TMEM156: variants seen among roughly 807,000 people sequenced by gnomAD.
TMEM156 encodes transmembrane protein 156.
TMEM156 carries 28 observed loss-of-function variants against 30.5 expected under a neutral mutation model. The ratio of observed to expected loss-of-function variants is 0.92; its 90% CI spans 0.68 to 1.26. The LOEUF is 1.26. Among genes scored for constraint, TMEM156 ranks in the 50% most tolerant of loss-of-function variants. The pLI, the probability that TMEM156 is intolerant of heterozygous loss-of-function variation, is 0.00. For synonymous variants in TMEM156, 137 were observed against 119.9 expected (o/e 1.14, Z -0.93); for missense variants, 351 against 340.6 (o/e 1.03, Z -0.24).
chr4:39,011,069 A>G (rs912392879), intron 1 of TMEM156, among the ~76,000 whole-genome samples: 1 of 152,186 alleles, frequency 6.6e-6, no homozygotes, highest in Non-Finnish European at 1.5e-5. Flanking sequence ...ACCAACAAGA[A>G]AAAAACCAAC....
chr4:39,032,235 T>C lies in TMEM156; in HGVS notation c.79A>G (p.Thr27Ala), dbSNP rs1187598743. ...ACAATTATATACTCACCTTTCGGTGTCTTGAAATATTCCGGCAAAATTAAA... is the reference window on the plus strand; with the variant it reads ...ACAATTATATACTCACCTTTCGGTGCCTTGAAATATTCCGGCAAAATTAAA... ...FILILPEYFK[T>A]PKERTLELSC... Residue 27 changes from threonine (T) to alanine (A), a missense_variant, in exon 1 of 7, where the codon ACA becomes GCA. By Grantham distance (58) the Thr-to-Ala change is moderately conservative. Transcript: ENST00000381938. 3.1e-6 allele frequency: 5 copies of C among 1,596,780 alleles called. No individual in the cohort carries two copies. The African/African-American group carries it at 6.7e-5, about 21-fold the overall frequency.
At chr4:39,015,659 T>C (rs1350391136) in intron 1 of TMEM156, among the ~76,000 whole-genome samples, 1 of 152,196 alleles carries the variant, frequency 6.6e-6, no homozygotes, top group Admixed American at 6.5e-5. Flanking sequence ...TTATGATCAT[T>C]TGTTACAGCA....
At chr4:39,028,305 A>C (rs1715330003) in intron 1 of TMEM156, 1 of 152,154 alleles carries the variant, frequency 6.6e-6, no homozygotes, top group Non-Finnish European at 1.5e-5. Context: ...TATTTTATTT[A>C]ATAATCGTCA....
chr4:39,031,027 A>G (rs1715476023), intron 1 of TMEM156, among the ~76,000 whole-genome samples: 1 of 152,238 alleles, frequency 6.6e-6, no homozygotes, highest in African/African-American at 2.4e-5. Context: ...TCACTGAAAT[A>G]TGTCATCAAA....
intron 3 of TMEM156, among the ~76,000 whole-genome samples, chr4:38,990,830 G>T (rs1312004813): frequency 3.7e-5 from 3 of 81,226 alleles, no homozygotes; most frequent in Admixed American, 2.9e-4. Flanking sequence ...TTGTTTTCTG[G>T]TTTTTTTTTT....
At chr4:38,986,468 G>T in intron 4 of TMEM156, 49 bp from the exon 5 acceptor site, 1 of 1,345,676 alleles carries the variant, frequency 7.4e-7, no homozygotes, top group Admixed American at 1.7e-5. Flanking sequence ...CAAGCGCATT[G>T]TTAACATATA....
At chr4:39,005,916 A>G (rs1012234152) in intron 1 of TMEM156, among the ~76,000 whole-genome samples, 1 of 152,102 alleles carries the variant, frequency 6.6e-6, no homozygotes. Flanking sequence ...TTCTTTTTTG[A>G]GTCAGACTCT....
In TMEM156 at chr4:39,002,152, T is replaced by C. The variant is rs965017665; in HGVS notation, c.89-3243A>G. 2.1e-5 allele frequency among the ~76,000 whole-genome samples: 3 copies of C among 141,244 alleles called. No individual in the cohort carries two copies. The Admixed American group carries it at 2.2e-4, about 10-fold the overall frequency. 92.7% of individuals were successfully genotyped at this position (141,244 alleles called of 152,430 possible). ...CTACTCATCTGACAAAGGGCTAATA[T>C]CCAGAATCTACAATGAACTCAAACA... is the stretch of plus-strand genomic sequence containing the variant. On this transcript the variant is annotated intron_variant, in intron 1 of 6. Transcript: ENST00000381938.
intron 1 of TMEM156, among the ~76,000 whole-genome samples, chr4:39,002,300 C>T (rs896833426): frequency 6.6e-6 from 1 of 152,136 alleles, no homozygotes; most frequent in Non-Finnish European, 1.5e-5. Flanking sequence ...CCATCAATGG[C>T]CATCAGAGAA....
chr4:38,987,703 G>A (rs1419241183), intron 4 of TMEM156, among the ~76,000 whole-genome samples: 1 of 152,132 alleles, frequency 6.6e-6, no homozygotes, highest in Admixed American at 6.6e-5. Flanking sequence ...AGTAATCTCT[G>A]TATTTCCTTA....
rs561540807 is a variant in TMEM156 at position 39,025,657 on chromosome 4, G to T, written c.88+6569C>A. Among the ~76,000 whole-genome samples, 49 of 152,286 alleles carry T rather than the reference G, an allele frequency of 3.2e-4. No individual in the cohort carries two copies. In the South Asian group the frequency reaches 1.0e-2, roughly 31 times the overall value. On this transcript the variant is annotated intron_variant, in intron 1 of 6. Coordinates refer to ENST00000381938, the MANE Select transcript of TMEM156 (RefSeq NM_024943.3). ...TACCATAGCAATATTTGAAAGGCAG[G>T]TTTGAGACATAGGAGACTGCTCATT...
chr4:38,980,070 A>G (rs1358717521), intron 5 of TMEM156, among the ~76,000 whole-genome samples: 1 of 152,086 alleles, frequency 6.6e-6, no homozygotes, highest in East Asian at 1.9e-4. Flanking sequence ...CCCATGTTCA[A>G]AGCTCCATCT....
chr4:39,016,348 G>A (rs145022954), intron 1 of TMEM156, among the ~76,000 whole-genome samples: 2 of 150,782 alleles, frequency 1.3e-5, no homozygotes, highest in African/African-American at 4.9e-5. Context: ...ACTCCAGGCT[G>A]GGCAACACAG....
At chr4:39,012,029 G>A (rs144835819) in intron 1 of TMEM156, among the ~76,000 whole-genome samples, 1,894 of 152,202 alleles carry the variant, frequency 0.012, 18 homozygotes, top group Non-Finnish European at 0.02. Flanking sequence ...GGGAAGGGAG[G>A]GAAGGAAGCA....
intron 1 of TMEM156, 25 bp from the exon 2 acceptor site, chr4:38,998,934 T>G (rs965656382): frequency 5.1e-6 from 8 of 1,580,638 alleles, no homozygotes; most frequent in Admixed American, 3.8e-5. Context: ...GAAAAACACT[T>G]TCTTTACTGT....
intron 1 of TMEM156, among the ~76,000 whole-genome samples, chr4:39,012,294 T>C (rs1410993195): frequency 6.6e-6 from 1 of 152,200 alleles, no homozygotes; most frequent in Non-Finnish European, 1.5e-5. Flanking sequence ...ATTTGCAAAT[T>C]ACTATATTCT....
chr4:38,992,099 A>G (rs566883571), intron 3 of TMEM156, among the ~76,000 whole-genome samples: 1 of 152,352 alleles, frequency 6.6e-6, no homozygotes, highest in South Asian at 2.1e-4. Flanking sequence ...TTTAAAGTGA[A>G]TGTAATATTT....
chr4:38,982,101 A>G (rs1286585784), intron 5 of TMEM156, among the ~76,000 whole-genome samples: 1 of 152,230 alleles, frequency 6.6e-6, no homozygotes, highest in Non-Finnish European at 1.5e-5. Context: ...CCATCTAATC[A>G]GCAGCGATGG....
intron 3 of TMEM156, among the ~76,000 whole-genome samples, chr4:38,991,426 G>T (rs919716033): frequency 1.3e-5 from 2 of 150,264 alleles, no homozygotes; most frequent in East Asian, 4.0e-4. Flanking sequence ...TCACCATGTT[G>T]TCCAAGCTAG....
Sources: gnomAD v4.1 joint callset for allele counts (sites outside exome capture counted in the v4.1 genomes callset) on GRCh38, gnomAD v4.1.1 for gene constraint, MANE v1.5 for transcripts, NCBI Gene and HGNC (gene_info 2026-07-23, HGNC 2026-07-21) for gene names.